Variants in CAST observed in about 807,000 individuals in gnomAD.
CAST encodes calpastatin.
In CAST, 76 loss-of-function variants were observed where a neutral mutation model predicts 119.6. That is an observed-to-expected ratio of 0.64 (90% CI 0.53 to 0.77). CAST has a LOEUF of 0.77. Among genes scored for constraint, CAST ranks in the 30% least tolerant of loss-of-function variants. The pLI is 0.00. For synonymous variants in CAST, 319 were observed against 331.6 expected (o/e 0.96, Z 0.41); for missense variants, 953 against 946.5 (o/e 1.01, Z -0.09).
chr5:96,433,310 C>A, the CAST span: 6 of 498,744 alleles, frequency 1.2e-5, no homozygotes, highest in African/African-American at 1.9e-5. Flanking sequence ...TCGACGAAAG[C>A]CATCTCTTGA....
At chr5:96,585,763 A>G (rs1488784263) in intron 1 of CAST, among the ~76,000 whole-genome samples, 4 of 152,230 alleles carry the variant, frequency 2.6e-5, no homozygotes, top group Admixed American at 2.6e-4. Context: ...ACATATTTTA[A>G]AACTTTTGGA....
At chr5:96,371,863 C>T in the CAST span, among the ~76,000 whole-genome samples, 1 of 152,144 alleles carries the variant, frequency 6.6e-6, no homozygotes, top group Non-Finnish European at 1.5e-5. Context: ...GATTTATGAC[C>T]ATTACAGAGC....
At chr5:96,502,602 G>A in the CAST span, among the ~76,000 whole-genome samples, 1 of 148,976 alleles carries the variant, frequency 6.7e-6, no homozygotes, top group South Asian at 2.1e-4. Context: ...ATCAAGGTTA[G>A]CAAGTTACCT....
the CAST span, among the ~76,000 whole-genome samples, chr5:96,504,202 T>G: frequency 1.3e-5 from 2 of 152,198 alleles, no homozygotes; most frequent in Admixed American, 1.3e-4. Context: ...CAGTCCTACC[T>G]TATCACTCTC....
chr5:96,336,078 AC>A, the CAST span, among the ~76,000 whole-genome samples: 5 of 152,164 alleles, frequency 3.3e-5, no homozygotes, highest in African/African-American at 1.2e-4. Flanking sequence ...CAGTAATCTG[AC>A]CCAGTCCTTC....
the CAST span, among the ~76,000 whole-genome samples, chr5:96,151,693 T>G: frequency 2.0e-5 from 3 of 152,216 alleles, no homozygotes; most frequent in African/African-American, 7.2e-5. Context: ...GTATAAGGTT[T>G]ATGTGAACAG....
the CAST span, among the ~76,000 whole-genome samples, chr5:96,048,959 G>A: frequency 6.6e-6 from 1 of 152,176 alleles, no homozygotes; most frequent in Non-Finnish European, 1.5e-5. Context: ...GAGATACAGC[G>A]TGTGGGGCTG....
the CAST span, among the ~76,000 whole-genome samples, chr5:96,510,585 AAAATGCAGTATGTGGATT>A: frequency 6.6e-6 from 1 of 152,250 alleles, no homozygotes; most frequent in African/African-American, 2.4e-5. Context: ...ACATAATAAC[AAAATGCAGTATGTGGATT>A]AAATCCCCAT....
chr5:96,644,881 CAGG>C (rs1167838524), intron 1 of CAST, among the ~76,000 whole-genome samples: 2 of 152,156 alleles, frequency 1.3e-5, no homozygotes, highest in Non-Finnish European at 2.9e-5. Flanking sequence ...GAGGCTGAGG[CAGG>C]AGAATCGCTT....
intron 1 of CAST, among the ~76,000 whole-genome samples, chr5:96,559,338 G>T (rs976888443): frequency 1.3e-5 from 2 of 152,124 alleles, no homozygotes; most frequent in African/African-American, 4.8e-5. Context: ...ATTCAACATA[G>T]TGTTGGAAGT....
chr5:96,330,016 A>G, the CAST span, among the ~76,000 whole-genome samples: 3,817 of 152,276 alleles, frequency 0.025, 64 homozygotes, highest in Middle Eastern at 0.061. Context: ...GGCCAACTTG[A>G]TTTCACAGTG....
the CAST span, among the ~76,000 whole-genome samples, chr5:96,432,656 T>C: frequency 2.0e-5 from 3 of 152,202 alleles, no homozygotes; most frequent in Admixed American, 2.0e-4. Context: ...GGCTTCCTTC[T>C]GCTTGGCTGC....
intron 29 of CAST, chr5:96,768,400 T>G: frequency 2.2e-6 from 1 of 456,644 alleles, no homozygotes; most frequent in Non-Finnish European, 4.4e-6. Flanking sequence ...ATTTTTAAAC[T>G]GTAGAATGAA....
the CAST span, among the ~76,000 whole-genome samples, chr5:96,322,328 G>A: frequency 6.6e-6 from 1 of 152,102 alleles, no homozygotes; most frequent in Non-Finnish European, 1.5e-5. Context: ...AGAGAGCCTT[G>A]CCAGAGGTGA....
chr5:96,225,043 G>A, the CAST span, among the ~76,000 whole-genome samples: 1 of 152,208 alleles, frequency 6.6e-6, no homozygotes, highest in African/African-American at 2.4e-5. Flanking sequence ...GGCCTTACAT[G>A]TTGATGGCGT....
chr5:96,564,391 G>A (rs1469988758), intron 1 of CAST, among the ~76,000 whole-genome samples: 2 of 152,202 alleles, frequency 1.3e-5, no homozygotes, highest in African/African-American at 2.4e-5. Flanking sequence ...CTGATTCCAA[G>A]AAAGTTTTCT....
chr5:96,740,663 A>C lies in CAST; in HGVS notation c.880-82A>C, dbSNP rs1762476775. The C allele has an allele frequency of 4.1e-6, 4 of 981,020 alleles. No individual in the cohort carries two copies. In the Admixed American group the frequency reaches 5.3e-5, roughly 13 times the overall value. 60.8% of individuals were successfully genotyped at this position (981,020 alleles called of 1,614,324 possible). On this transcript the variant is annotated intron_variant, in intron 12 of 31. Coordinates refer to ENST00000675179, the MANE Select transcript of CAST (RefSeq NM_001750.7). Reference sequence around the variant, plus strand: ...AGATCTGGGGTGGGAGGCACAATTCAACCCACAACGGGCAATACATTTTGC... The same window carrying C: ...AGATCTGGGGTGGGAGGCACAATTCCACCCACAACGGGCAATACATTTTGC...
chr5:96,620,485 C>T (rs1160291270), intron 1 of CAST, among the ~76,000 whole-genome samples: 7 of 152,132 alleles, frequency 4.6e-5, no homozygotes, highest in Non-Finnish European at 8.8e-5. Flanking sequence ...GCCATGATAT[C>T]ATGAGGGTAA....
the CAST span, among the ~76,000 whole-genome samples, chr5:96,297,771 G>A: frequency 2.0e-5 from 3 of 151,790 alleles, no homozygotes; most frequent in Admixed American, 2.0e-4. Flanking sequence ...GGCTATGCCT[G>A]GCTTCCACGT....
Sources: allele counts gnomAD v4.1 joint callset (sites outside exome capture counted in the v4.1 genomes callset), GRCh38; gene constraint gnomAD v4.1.1; transcripts MANE v1.5; gene names NCBI Gene and HGNC (gene_info 2026-07-23, HGNC 2026-07-21).